Variants in SAMD12 observed in about 807,000 individuals in gnomAD.
The protein encoded by SAMD12 is sterile alpha motif domain containing 12, also known as sterile alpha motif domain-containing protein 12.
In SAMD12, 9 loss-of-function variants were observed where a neutral mutation model predicts 15.0. The observed-to-expected ratio is 0.60, with a 90% confidence interval of 0.36 to 1.05. The LOEUF is 1.05. Among genes scored for constraint, SAMD12 ranks in the 50% least tolerant of loss-of-function variants. The pLI, the probability that SAMD12 is intolerant of heterozygous loss-of-function variation, is 0.01. For synonymous variants in SAMD12, 86 were observed against 90.1 expected, an observed-to-expected ratio of 0.96 and a Z score of 0.25; for missense variants, 230 against 234.2, an observed-to-expected ratio of 0.98 and a Z score of 0.12.
At chr8:118,458,677 T>G in intron 2 of SAMD12, among the ~76,000 whole-genome samples, 1 of 152,218 alleles carries the variant, frequency 6.6e-6, no homozygotes, top group East Asian at 1.9e-4. Context: ...TCATTTGGGA[T>G]TATTGATTAT....
chr8:118,262,928 T>G (rs1813114306), intron 4 of SAMD12, among the ~76,000 whole-genome samples: 1 of 152,126 alleles, frequency 6.6e-6, no homozygotes, highest in African/African-American at 2.4e-5. Context: ...AGAAGAGGTT[T>G]ACTTCTTCTG....
chr8:118,439,979 A>C lies in SAMD12; in HGVS notation c.193-18T>G, dbSNP rs760589519. On this transcript the variant is annotated intron_variant, in intron 2 of 3. Transcript: ENST00000314727. ...GTAGCTGACTATAAATAAAGAAGGAAGATCTGTCAATGCTGGCCCCATGCC... is the reference window on the plus strand; with the variant it reads ...GTAGCTGACTATAAATAAAGAAGGACGATCTGTCAATGCTGGCCCCATGCC... 5 of 1,612,966 alleles carry C rather than the reference A, an allele frequency of 3.1e-6. No individual in the cohort carries two copies. The highest frequency in any genetic ancestry group is 4.2e-6 in the Non-Finnish European group (5 of 1,179,328).
intron 2 of SAMD12, among the ~76,000 whole-genome samples, chr8:118,520,819 AAGAT>A (rs1386079790): frequency 2.0e-5 from 3 of 152,190 alleles, no homozygotes; most frequent in East Asian, 3.8e-4. Context: ...GAAGAGTAAA[AAGAT>A]AGATAGTAAA....
Position 118,599,998 on chromosome 8 carries a change from T to C in SAMD12, c.14-19105A>G, listed in dbSNP as rs537075724. 2.9e-3 allele frequency among the ~76,000 whole-genome samples: 437 copies of C among 152,284 alleles called. 3 individuals carry two copies. The highest frequency in any genetic ancestry group is 0.01 in the African/African-American group (423 of 41,562). ...GGTATGGGAGGCAACAGATCGCCTC[T>C]TTTTACTTAGGCCTGGTAGAGTTGG... is the stretch of plus-strand genomic sequence containing the variant. On this transcript the variant is annotated intron_variant, in intron 1 of 3. Coordinates refer to ENST00000314727, the MANE Select transcript of SAMD12 (RefSeq NM_207506.3).
At chr8:118,553,161 C>T (rs1426139671) in intron 2 of SAMD12, among the ~76,000 whole-genome samples, 1 of 151,884 alleles carries the variant, frequency 6.6e-6, no homozygotes. Context: ...TGACTTTCTT[C>T]ACAGAATTGG....
intron 4 of SAMD12, chr8:118,282,077 T>G: frequency 5.8e-6 from 2 of 345,678 alleles, no homozygotes; most frequent in Non-Finnish European, 1.1e-5. Context: ...TGACACTGGA[T>G]GGTAATAACT....
rs183659234 is a variant in SAMD12 at position 118,548,529 on chromosome 8, A to G, written c.192+32186T>C. ...ACTCTAAAGGTATTTGTTAACATCT[A>G]CAACTGGAGGGGAGGAGCCAAGATG... On this transcript the variant is annotated intron_variant, in intron 2 of 3. Coordinates refer to ENST00000314727, the MANE Select transcript of SAMD12 (RefSeq NM_207506.3). Among the ~76,000 whole-genome samples the G allele has an allele frequency of 1.8e-3, 279 of 152,242 alleles. 1 individual carries two copies. Among genetic ancestry groups the G allele is most frequent in the African/African-American group, 6.4e-3 (268 of 41,568 alleles).
chr8:118,196,413 T>C (rs1249481949), exon 5 of SAMD12: 1 of 152,096 alleles, frequency 6.6e-6, no homozygotes, highest in East Asian at 1.9e-4. Flanking sequence ...ATGTAGCAAG[T>C]CAATATGAAC....
chr8:118,525,855 G>A (rs1176249881), intron 2 of SAMD12, among the ~76,000 whole-genome samples: 3 of 152,212 alleles, frequency 2.0e-5, no homozygotes, highest in Non-Finnish European at 2.9e-5. Context: ...AAGCAACACT[G>A]TACATGCATC....
intron 4 of SAMD12, among the ~76,000 whole-genome samples, chr8:118,346,613 G>A (rs1817670023): frequency 6.6e-6 from 1 of 152,202 alleles, no homozygotes; most frequent in African/African-American, 2.4e-5. Context: ...TTCTGGATGT[G>A]ACAGGGGGTC....
At chr8:118,542,356 TAAAA>T (rs1826008973) in intron 2 of SAMD12, among the ~76,000 whole-genome samples, 1 of 152,186 alleles carries the variant, frequency 6.6e-6, no homozygotes. Flanking sequence ...GTTTTGAAAA[TAAAA>T]TAACTATGAT....
In SAMD12 at chr8:118,211,872, T is replaced by C. The variant is rs181419943; in HGVS notation, c.434-14140A>G. ...GTGGAATGGCTGTCACTACACAATA[T>C]TCATATCTTTCCAGAACCACCAACC... On this transcript the variant is annotated intron_variant, in intron 4 of 4. Coordinates refer to the SAMD12 transcript ENST00000409003. Among the ~76,000 whole-genome samples the C allele has an allele frequency of 6.4e-4, 97 of 152,296 alleles. No individual in the cohort carries two copies. In the East Asian group the frequency reaches 9.7e-3, roughly 15 times the overall value.
chr8:118,374,786 C>A (rs1206141157), downstream of SAMD12, among the ~76,000 whole-genome samples: 1 of 151,768 alleles, frequency 6.6e-6, no homozygotes, highest in East Asian at 1.9e-4. Context: ...TTGGAGAACT[C>A]TCTATTTGAA....
At chr8:118,375,906 C>CA (rs1819361716), downstream of SAMD12, 1 of 152,182 alleles carries the variant, frequency 6.6e-6, no homozygotes, top group African/African-American at 2.4e-5. Flanking sequence ...TCCTCTTTGG[C>CA]AAATGTAGCA....
chr8:118,490,359 A>T (rs1051918014), intron 2 of SAMD12, among the ~76,000 whole-genome samples: 1 of 152,174 alleles, frequency 6.6e-6, no homozygotes, highest in African/African-American at 2.4e-5. Flanking sequence ...GAAAGTGAAA[A>T]CTACCAAGTG....
intron 3 of SAMD12, among the ~76,000 whole-genome samples, chr8:118,402,866 A>T (rs1820934051): frequency 6.6e-6 from 1 of 152,178 alleles, no homozygotes; most frequent in Non-Finnish European, 1.5e-5. Context: ...CCATCATCTT[A>T]TTGATCTTTT....
At chr8:118,397,741 G>T (rs1490347734) in intron 3 of SAMD12, among the ~76,000 whole-genome samples, 1 of 152,042 alleles carries the variant, frequency 6.6e-6, no homozygotes, top group Non-Finnish European at 1.5e-5. Context: ...AACCCTCTGG[G>T]TAGGTTCAAC....
intron 2 of SAMD12, among the ~76,000 whole-genome samples, chr8:118,521,702 A>G (rs1825393801): frequency 6.6e-6 from 1 of 152,064 alleles, no homozygotes; most frequent in South Asian, 2.1e-4. Context: ...CCAGGTCCTT[A>G]TTTTCCTTAA....
intron 4 of SAMD12, among the ~76,000 whole-genome samples, chr8:118,310,758 C>T (rs1227768095): frequency 6.6e-6 from 1 of 152,188 alleles, no homozygotes; most frequent in African/African-American, 2.4e-5. Context: ...TGGACTTCCT[C>T]TAGCGCTTCC....
Sources: gnomAD v4.1 joint callset for allele counts (sites outside exome capture counted in the v4.1 genomes callset) on GRCh38, gnomAD v4.1.1 for gene constraint, MANE v1.5 for transcripts, NCBI Gene and HGNC (gene_info 2026-07-23, HGNC 2026-07-21) for gene names.